CNTNAP2: variants seen among roughly 807,000 people sequenced by gnomAD.
CNTNAP2 encodes contactin-associated protein-like 2.
A neutral mutation model predicts 155.2 loss-of-function variants in CNTNAP2; 98 were observed. The ratio of observed to expected loss-of-function variants is 0.63; its 90% CI spans 0.54 to 0.75. The LOEUF is 0.75. Ranked by LOEUF, CNTNAP2 falls within the 30% of genes least tolerant of loss-of-function variation. The pLI is 0.00. For missense variants in CNTNAP2, 1,727 were observed against 1,688.1 expected (o/e 1.02, Z -0.40); for synonymous variants, 651 against 631.2 (o/e 1.03, Z -0.47).
At position 147,155,496 on chromosome 7, in the gene CNTNAP2, C is replaced by T. The variant is rs530037036; in HGVS notation, c.1348+22987C>T. ...ATTTGGAGGAGGCCCCCTAGAGAAC[C>T]GGTACCCAGACTTCTGCATAGCTGA... On this transcript the variant is annotated intron_variant, in intron 8 of 23. Transcript: ENST00000361727. Among the ~76,000 whole-genome samples the T allele has an allele frequency of 3.5e-4, 54 of 152,118 alleles. No homozygotes were observed. The East Asian group carries it at 8.3e-3, about 23-fold the overall frequency.
At chr7:146,233,175 G>GTT (rs143998039) in intron 1 of CNTNAP2, among the ~76,000 whole-genome samples, 79 of 151,100 alleles carry the variant, frequency 5.2e-4, no homozygotes, top group African/African-American at 1.5e-3. Flanking sequence ...AAAAAAAAGT[G>GTT]TTTTTTTTTA....
At position 147,965,248 on chromosome 7, in the gene CNTNAP2, A is replaced by G. The variant is rs1801187378; in HGVS notation, c.2256-12614A>G. On this transcript the variant is annotated intron_variant, in intron 14 of 23. Transcript: ENST00000361727. ...TACACATAAGGCAGTAATATTCATG[A>G]CTTTTTACTGCCAACCTTGGAAAGC... is the stretch of plus-strand genomic sequence containing the variant. Among the ~76,000 whole-genome samples the G allele has an allele frequency of 2.0e-5, 3 of 152,142 alleles. No individual in the cohort carries two copies. In the East Asian group the frequency reaches 5.8e-4, roughly 29 times the overall value.
intron 1 of CNTNAP2, among the ~76,000 whole-genome samples, chr7:146,331,638 T>C (rs940158809): frequency 6.6e-6 from 1 of 152,164 alleles, no homozygotes; most frequent in Non-Finnish European, 1.5e-5. Flanking sequence ...TCAGAGCCAG[T>C]GTTCCAAGGA....
chr7:146,895,831 G>A (rs1378001719), intron 3 of CNTNAP2, among the ~76,000 whole-genome samples: 5 of 152,026 alleles, frequency 3.3e-5, no homozygotes, highest in Admixed American at 3.3e-4. Context: ...AAGCTATTTT[G>A]AGCTTCAGTC....
intron 13 of CNTNAP2, among the ~76,000 whole-genome samples, chr7:147,715,079 C>A (rs141175950): frequency 2.2e-4 from 34 of 152,142 alleles, no homozygotes; most frequent in African/African-American, 7.9e-4. Flanking sequence ...ATTGTTCACA[C>A]ATTAAAGAAG....
chr7:146,686,451 C>T (rs1041097200), intron 1 of CNTNAP2, among the ~76,000 whole-genome samples: 16 of 152,094 alleles, frequency 1.1e-4, no homozygotes, highest in Non-Finnish European at 2.2e-4. Flanking sequence ...TCTCCAGTTA[C>T]CAACAAATAT....
chr7:146,738,390 A>G (rs554366274), intron 1 of CNTNAP2, among the ~76,000 whole-genome samples: 3 of 151,824 alleles, frequency 2.0e-5, no homozygotes, highest in Admixed American at 6.6e-5. Flanking sequence ...TTGTTTGAGT[A>G]CCTTATGTAT....
At position 146,474,572 on chromosome 7, in the gene CNTNAP2, C is replaced by A. The variant is rs146454585; in HGVS notation, c.98-299699C>A. On this transcript the variant is annotated intron_variant, in intron 1 of 23. Coordinates refer to ENST00000361727, the MANE Select transcript of CNTNAP2 (RefSeq NM_014141.6). ...TATATTTCCTGTGTTATATACAATA[C>A]TCTGTTATTGCCCAAAGAATCATTA... 2.4e-3 allele frequency among the ~76,000 whole-genome samples: 366 copies of A among 151,798 alleles called. 1 individual carries two copies. The highest frequency in any genetic ancestry group is 8.4e-3 in the African/African-American group (348 of 41,398).
intron 8 of CNTNAP2, among the ~76,000 whole-genome samples, chr7:147,247,398 G>A (rs1804091101): frequency 6.6e-6 from 1 of 151,954 alleles, no homozygotes; most frequent in Non-Finnish European, 1.5e-5. Context: ...ATAGAATAAT[G>A]GCCTAATTAA....
chr7:148,149,099 A>G (rs1180735314), intron 17 of CNTNAP2, among the ~76,000 whole-genome samples: 1 of 152,200 alleles, frequency 6.6e-6, no homozygotes, highest in East Asian at 1.9e-4. Context: ...CATGCTGGGT[A>G]GATTCTATCT....
At chr7:148,308,572 TA>T (rs1157643757) in intron 21 of CNTNAP2, among the ~76,000 whole-genome samples, 1 of 151,496 alleles carries the variant, frequency 6.6e-6, no homozygotes, top group East Asian at 1.9e-4. Context: ...TTTATTTATT[TA>T]TTTATTTATT....
At position 146,744,080 on chromosome 7, in the gene CNTNAP2, T is replaced by G. The variant is rs181448223; in HGVS notation, c.98-30191T>G. ...TGTCGCTACTAAAAAATACAAAAAATAGCCAGATGTGGTTGCACGTCCCTG... is the reference window on the plus strand; with the variant it reads ...TGTCGCTACTAAAAAATACAAAAAAGAGCCAGATGTGGTTGCACGTCCCTG... On this transcript the variant is annotated intron_variant, in intron 1 of 23. Coordinates refer to ENST00000361727, the MANE Select transcript of CNTNAP2 (RefSeq NM_014141.6). Among the ~76,000 whole-genome samples, 12 of 151,512 alleles carry G rather than the reference T, an allele frequency of 7.9e-5. No individual in the cohort carries two copies. The East Asian group carries it at 1.7e-3, about 22-fold the overall frequency.
intron 1 of CNTNAP2, among the ~76,000 whole-genome samples, chr7:146,324,910 C>T (rs952915452): frequency 4.6e-5 from 7 of 152,020 alleles, no homozygotes; most frequent in Non-Finnish European, 7.4e-5. Flanking sequence ...TGGATCATTA[C>T]TTAATAAAAC....
chr7:146,594,642 G>C (rs1460450492), intron 1 of CNTNAP2, among the ~76,000 whole-genome samples: 1 of 152,014 alleles, frequency 6.6e-6, no homozygotes, highest in East Asian at 1.9e-4. Context: ...TAACTGTTGA[G>C]AAAATCTTAC....
intron 3 of CNTNAP2, among the ~76,000 whole-genome samples, chr7:146,946,814 C>T (rs1797186172): frequency 7.0e-6 from 1 of 143,398 alleles, no homozygotes; most frequent in Non-Finnish European, 1.5e-5. Flanking sequence ...GTTCCAACAA[C>T]TCAAAAACTG....
intron 13 of CNTNAP2, among the ~76,000 whole-genome samples, chr7:147,752,257 T>C (rs780571679): frequency 2.1e-4 from 32 of 152,234 alleles, no homozygotes; most frequent in Non-Finnish European, 3.8e-4. Context: ...TAATTTGTTC[T>C]GTGCAAGAAA....
intron 1 of CNTNAP2, among the ~76,000 whole-genome samples, chr7:146,773,209 AAG>A (rs1417809733): frequency 1.3e-5 from 2 of 152,188 alleles, no homozygotes; most frequent in African/African-American, 4.8e-5. Flanking sequence ...AATGAGAAAA[AAG>A]AGAAAAAAAA....
At chr7:146,777,659 G>A (rs779809944) in intron 2 of CNTNAP2, among the ~76,000 whole-genome samples, 2 of 151,952 alleles carry the variant, frequency 1.3e-5, no homozygotes, top group Non-Finnish European at 2.9e-5. Context: ...CACCTCCTGG[G>A]TTCAAGTGAT....
At chr7:147,469,512 TTTTTTTTTTTTTTTTTTTTTC>T (rs1419700812) in intron 10 of CNTNAP2, among the ~76,000 whole-genome samples, 1 of 63,586 alleles carries the variant, frequency 1.6e-5, no homozygotes. Context: ...TGCAATTTTT[TTTTTTTTTTTTTTTTTTTTTC>T]TGTGAGACAA....
Sources: gnomAD v4.1 joint callset for allele counts (sites outside exome capture counted in the v4.1 genomes callset) on GRCh38, gnomAD v4.1.1 for gene constraint, MANE v1.5 for transcripts, NCBI Gene and HGNC (gene_info 2026-07-23, HGNC 2026-07-21) for gene names.